ADARB2: variants seen among roughly 807,000 people sequenced by gnomAD.
The protein encoded by ADARB2 is adenosine deaminase RNA specific B2 (inactive).
ADARB2 carries 25 observed loss-of-function variants against 62.2 expected under a neutral mutation model. The ratio of observed to expected loss-of-function variants is 0.40; its 90% CI spans 0.29 to 0.56. The LOEUF (loss-of-function observed/expected upper bound fraction) is 0.56, where lower values mean the gene tolerates loss of function less well. ADARB2 is among the 20% of genes least tolerant of loss of function. ADARB2 has a pLI of 0.43. For missense variants in ADARB2, 1,071 were observed against 1,077.4 expected, an observed-to-expected ratio of 0.99 and a Z score of 0.08; for synonymous variants, 572 against 500.8, an observed-to-expected ratio of 1.14 and a Z score of -1.90.
chr10:1,324,234 T>C (rs1298264678), intron 3 of ADARB2, among the ~76,000 whole-genome samples: 3 of 152,186 alleles, frequency 2.0e-5, no homozygotes, highest in Non-Finnish European at 4.4e-5. Flanking sequence ...ATGGCTGTTG[T>C]GAAAAGCAGT....
chr10:1,197,213 CT>C (rs1379947371), intron 8 of ADARB2, among the ~76,000 whole-genome samples: 1 of 152,010 alleles, frequency 6.6e-6, no homozygotes, highest in African/African-American at 2.4e-5. Flanking sequence ...GAAATTTCTC[CT>C]GAATTAAAGA....
chr10:1,694,990 G>A (rs574817807), intron 1 of ADARB2, among the ~76,000 whole-genome samples: 4 of 152,292 alleles, frequency 2.6e-5, no homozygotes, highest in South Asian at 4.2e-4. Context: ...CTTGCGACTC[G>A]CCATGGTTCT....
intron 1 of ADARB2, among the ~76,000 whole-genome samples, chr10:1,649,967 G>T (rs1834089683): frequency 6.6e-6 from 1 of 152,228 alleles, no homozygotes; most frequent in African/African-American, 2.4e-5. Flanking sequence ...GGACCTGGAG[G>T]TCCTGCTTCT....
At chr10:1,420,563 A>C (rs1159646429) in intron 1 of ADARB2, among the ~76,000 whole-genome samples, 1 of 151,852 alleles carries the variant, frequency 6.6e-6, no homozygotes, top group Non-Finnish European at 1.5e-5. Context: ...CATGATGAAG[A>C]ATCAAATCCT....
chr10:1,422,437 G>C (rs1832859825), intron 1 of ADARB2, among the ~76,000 whole-genome samples: 1 of 152,144 alleles, frequency 6.6e-6, no homozygotes, highest in South Asian at 2.1e-4. Context: ...TGCAGGTGAG[G>C]GCACAGGTGG....
chr10:1,262,740 A>G (rs1168075581), intron 4 of ADARB2, among the ~76,000 whole-genome samples: 1 of 152,216 alleles, frequency 6.6e-6, no homozygotes, highest in African/African-American at 2.4e-5. Flanking sequence ...TCAGGGATCT[A>G]GAACTAGAAA....
rs924844281 is a variant in ADARB2, at chr10:1,205,664, G to A, written c.1683-5517C>T. On this transcript the variant is annotated intron_variant, in intron 7 of 9. Transcript: ENST00000381312. ...ATGGGAGGACGCGGCACAGGGTGCC[G>A]TTACCACCTGGGAAGCACAGCCTCA... 9.2e-5 allele frequency among the ~76,000 whole-genome samples: 14 copies of A among 152,390 alleles called. No individual in the cohort carries two copies. In the East Asian group the frequency reaches 1.7e-3, roughly 19 times the overall value.
rs147044614 is a variant in ADARB2, at chr10:1,598,782, C to T, written c.100+138269G>A. ...TTAAGCAAGCCAGGGAGAGCCCTGG[C>T]CCTCTGGTCAGGAGGCAGACTGGAA... is the stretch of plus-strand genomic sequence containing the variant. On this transcript the variant is annotated intron_variant, in intron 1 of 9. Coordinates refer to ENST00000381312, the MANE Select transcript of ADARB2 (RefSeq NM_018702.4). 2.1e-3 allele frequency among the ~76,000 whole-genome samples: 317 copies of T among 152,332 alleles called. 1 individual carries two copies. The highest frequency in any genetic ancestry group is 6.8e-3 in the Middle Eastern group (2 of 294).
chr10:1,717,358 C>T (rs1013275586), intron 1 of ADARB2, among the ~76,000 whole-genome samples: 2 of 151,514 alleles, frequency 1.3e-5, no homozygotes, highest in Non-Finnish European at 2.9e-5. Context: ...AGTGACAAGT[C>T]CATCCTGACA....
intron 1 of ADARB2, among the ~76,000 whole-genome samples, chr10:1,695,175 C>A (rs1224280518): frequency 6.6e-6 from 1 of 152,202 alleles, no homozygotes; most frequent in Non-Finnish European, 1.5e-5. Flanking sequence ...CTTGGAACCT[C>A]TGATTCTGAA....
chr10:1,450,698 A>G (rs1462219387), intron 1 of ADARB2, among the ~76,000 whole-genome samples: 2 of 152,208 alleles, frequency 1.3e-5, no homozygotes, highest in Non-Finnish European at 2.9e-5. Context: ...GGCAGGGAAC[A>G]TGGGTGAGTG....
At chr10:1,705,230 G>A (rs1433798404) in intron 1 of ADARB2, among the ~76,000 whole-genome samples, 1 of 152,192 alleles carries the variant, frequency 6.6e-6, no homozygotes, top group Non-Finnish European at 1.5e-5. Context: ...AGGTGGATGG[G>A]CCAAGGCGGC....
chr10:1,731,890 T>A (rs114038822), intron 1 of ADARB2, among the ~76,000 whole-genome samples: 1 of 152,334 alleles, frequency 6.6e-6, no homozygotes, highest in African/African-American at 2.4e-5. Flanking sequence ...ATATTCGGTT[T>A]CAAAATGGCA....
chr10:1,696,124 C>T (rs892561013), intron 1 of ADARB2, among the ~76,000 whole-genome samples: 2 of 151,490 alleles, frequency 1.3e-5, no homozygotes, highest in African/African-American at 4.9e-5. Flanking sequence ...TCCATGTTTG[C>T]ATGTAGTATC....
intron 1 of ADARB2, among the ~76,000 whole-genome samples, chr10:1,731,295 C>T: frequency 6.6e-6 from 1 of 152,276 alleles, no homozygotes; most frequent in Non-Finnish European, 1.5e-5. Context: ...ATAAAATAGC[C>T]CCGTCCTCCA....
At chr10:1,365,068 C>T (rs1174999761) in intron 2 of ADARB2, among the ~76,000 whole-genome samples, 1 of 152,004 alleles carries the variant, frequency 6.6e-6, no homozygotes, top group Non-Finnish European at 1.5e-5. Flanking sequence ...GATGGGATTT[C>T]ACCGTGTTGG....
At chr10:1,718,915 T>C (rs1209143743) in intron 1 of ADARB2, among the ~76,000 whole-genome samples, 1 of 152,230 alleles carries the variant, frequency 6.6e-6, no homozygotes, top group Non-Finnish European at 1.5e-5. Context: ...ATTGTAGTGG[T>C]CAGATTTTCC....
chr10:1,672,489 G>GGA (rs1342237949), intron 1 of ADARB2, among the ~76,000 whole-genome samples: 1 of 152,176 alleles, frequency 6.6e-6, no homozygotes, highest in Non-Finnish European at 1.5e-5. Context: ...CACCTCTGAC[G>GGA]GATGCCGCCT....
At chr10:1,346,219 C>A (rs1832079453) in intron 3 of ADARB2, among the ~76,000 whole-genome samples, 1 of 152,200 alleles carries the variant, frequency 6.6e-6, no homozygotes, top group Non-Finnish European at 1.5e-5. Flanking sequence ...AACTCTCATT[C>A]CACTTTATTA....
Sources: gnomAD v4.1 joint callset for allele counts (sites outside exome capture counted in the v4.1 genomes callset) on GRCh38, gnomAD v4.1.1 for gene constraint, MANE v1.5 for transcripts, NCBI Gene and HGNC (gene_info 2026-07-23, HGNC 2026-07-21) for gene names.